KIF9: variants seen among roughly 807,000 people sequenced by gnomAD.
KIF9 encodes the protein kinesin-like protein KIF9.
A neutral mutation model predicts 94.8 loss-of-function variants in KIF9; 68 were observed. That is an observed-to-expected ratio of 0.72 (90% CI 0.59 to 0.88). The LOEUF (loss-of-function observed/expected upper bound fraction) is 0.88. Among genes scored for constraint, KIF9 ranks in the 40% least tolerant of loss-of-function variants. The pLI is 0.00. For missense variants in KIF9, 882 were observed against 982.5 expected, an observed-to-expected ratio of 0.90 and a Z score of 1.37; for synonymous variants, 343 against 362.1, an observed-to-expected ratio of 0.95 and a Z score of 0.60.
In KIF9 at chr3:47,265,433, C is replaced by T. The variant is rs78058195; in HGVS notation, c.916+297G>A. ...TGGGAGAGAGGCCCTCGCCCCAAGT[C>T]TTCAGGCTGTGAAGGATTCTGCCAG... is the stretch of plus-strand genomic sequence containing the variant. On this transcript the variant is annotated intron_variant, in intron 8 of 20. Coordinates refer to ENST00000684063, the MANE Select transcript of KIF9 (RefSeq NM_182902.4). Among the ~76,000 whole-genome samples the T allele has an allele frequency of 5.0e-3, 762 of 152,302 alleles. 8 individuals are homozygous for T. Among genetic ancestry groups the T allele is most frequent in the African/African-American group, 0.018 (730 of 41,556 alleles).
intron 5 of KIF9, among the ~76,000 whole-genome samples, chr3:47,269,983 T>C (rs982162061): frequency 2.0e-5 from 3 of 151,960 alleles, no homozygotes; most frequent in African/African-American, 7.3e-5. Context: ...TTGGCCAGGA[T>C]GGTCTCAATC....
intron 4 of KIF9, among the ~76,000 whole-genome samples, chr3:47,273,071 C>T (rs1442462282): frequency 4.6e-5 from 7 of 152,180 alleles, no homozygotes; most frequent in Admixed American, 2.6e-4. Flanking sequence ...TATTGAGACC[C>T]CCCGGGCTGA....
intron 4 of KIF9, among the ~76,000 whole-genome samples, chr3:47,272,087 T>C (rs1314649320): frequency 6.6e-6 from 1 of 152,090 alleles, no homozygotes; most frequent in African/African-American, 2.4e-5. Context: ...GCCACTGCAC[T>C]CCAGCCTGGG....
At chr3:47,249,995 G>A (rs1262974271) in intron 10 of KIF9, among the ~76,000 whole-genome samples, 1 of 151,922 alleles carries the variant, frequency 6.6e-6, no homozygotes, top group Non-Finnish European at 1.5e-5. Context: ...GTTGCAGTAA[G>A]CTGAGACCGC....
chr3:47,247,891 G>A, intron 11 of KIF9, 127 bp downstream of exon 11: 1 of 754,146 alleles, frequency 1.3e-6, no homozygotes, highest in South Asian at 1.6e-5. Context: ...TCCTGCCACT[G>A]AGCCTGCCCC....
At chr3:47,240,188 T>G in intron 17 of KIF9, 1 of 262,244 alleles carries the variant, frequency 3.8e-6, no homozygotes, top group South Asian at 4.4e-5. Context: ...TGGGTCAGAG[T>G]AACCAGGTGA....
chr3:47,273,297 C>A (rs1016085126), intron 4 of KIF9, among the ~76,000 whole-genome samples: 3 of 152,200 alleles, frequency 2.0e-5, no homozygotes, highest in African/African-American at 7.2e-5. Flanking sequence ...GCATGCCTGA[C>A]TCCCTCCTTC....
At chr3:47,261,184 C>T (rs1333447979) in intron 9 of KIF9, among the ~76,000 whole-genome samples, 1 of 152,204 alleles carries the variant, frequency 6.6e-6, no homozygotes, top group Non-Finnish European at 1.5e-5. Flanking sequence ...TGACTGGCCT[C>T]TGTGTCTTTG....
Position 47,277,398 on chromosome 3 carries a change from T to C in KIF9, c.-5-19A>G, listed in dbSNP as rs771549741. Reference sequence around the variant, plus strand: ...ATTCTAGCTAAAAAGAAGGGAACAATGAAATTTTGAGTAGTCATTATCAAA... The same window carrying C: ...ATTCTAGCTAAAAAGAAGGGAACAACGAAATTTTGAGTAGTCATTATCAAA... On this transcript the variant is annotated intron_variant, in intron 1 of 20. Coordinates refer to ENST00000684063, the MANE Select transcript of KIF9 (RefSeq NM_182902.4). 5 of 1,549,572 alleles carry C rather than the reference T, an allele frequency of 3.2e-6. No individual in the cohort carries two copies. In the Admixed American group the frequency reaches 6.7e-5, roughly 21 times the overall value.
Position 47,282,560 on chromosome 3 carries a change from G to A in KIF9, c.-71C>T, listed in dbSNP as rs1410634180. ...AACCGAAACCACCTGCACTCCCCAC[G>A]CGGGGCTGCCTGGCTGTGTACATAG... On this transcript the variant is annotated 5_prime_UTR_variant, in exon 1 of 21. Coordinates refer to ENST00000684063, the MANE Select transcript of KIF9 (RefSeq NM_182902.4). 2 of 1,018,592 alleles carry A rather than the reference G, an allele frequency of 2.0e-6. No homozygotes were observed. The highest frequency in any genetic ancestry group is 2.4e-6 in the Non-Finnish European group (2 of 848,992). The allele number at this position is 1,018,592 out of a possible 1,614,324, so 63.1% of individuals were successfully genotyped here. A position where few individuals can be genotyped will look rare whatever the true frequency, so the allele number is the denominator to read the frequency against.
chr3:47,236,098 A>G lies in KIF9; in HGVS notation c.2153T>C (p.Met718Thr). The change falls in exon 19 of 21, where the codon ATG (methionine) becomes ACG (threonine). Residue 718 changes from methionine to threonine, a missense_variant. Met to Thr is a moderately conservative substitution (Grantham distance 81). Coordinates refer to ENST00000684063, the MANE Select transcript of KIF9 (RefSeq NM_182902.4). ...ESFVIPEDMQ[M>T]ALKPGGSIRP... ...GATGCTGCCGCCTGGCTTCAGTGCC[A>G]TCTGCATGTCCTCAGGGATGACAAA... is the stretch of plus-strand genomic sequence containing the variant. 6.2e-7 allele frequency: 1 copy of G among 1,614,192 alleles called. No individual in the cohort carries two copies. The highest frequency in any genetic ancestry group is 8.5e-7 in the Non-Finnish European group (1 of 1,180,012).
At chr3:47,248,310 G>A (rs1029064743) in intron 10 of KIF9, 1 of 531,688 alleles carries the variant, frequency 1.9e-6, no homozygotes, top group African/African-American at 2.0e-5. Flanking sequence ...ACAGTCCCCT[G>A]GCCTTTGCTA....
At chr3:47,250,024 G>A (rs1315331668) in intron 10 of KIF9, among the ~76,000 whole-genome samples, 1 of 151,376 alleles carries the variant, frequency 6.6e-6, no homozygotes, top group Non-Finnish European at 1.5e-5. Context: ...ACTCCAGCCT[G>A]AGCAATAGAG....
chr3:47,236,382 G>A, intron 18 of KIF9, 61 bp downstream of exon 18: 4 of 1,562,768 alleles, frequency 2.6e-6, no homozygotes, highest in Non-Finnish European at 3.5e-6. Context: ...AACTCAGGCT[G>A]TGGCCTCTCC....
chr3:47,263,294 G>A (rs1177035115), intron 9 of KIF9, among the ~76,000 whole-genome samples: 4 of 152,114 alleles, frequency 2.6e-5, no homozygotes, highest in Non-Finnish European at 5.9e-5. Context: ...CTGTGTCACT[G>A]GGCTAGACCT....
At chr3:47,279,582 A>T (rs28444184) in intron 1 of KIF9, among the ~76,000 whole-genome samples, 7 of 151,764 alleles carry the variant, frequency 4.6e-5, no homozygotes, top group African/African-American at 9.7e-5. Flanking sequence ...TTGCTTTTTT[A>T]AAAAGTACAT....
intron 2 of KIF9, chr3:47,276,956 G>A (rs1302295306): frequency 2.5e-5 from 4 of 159,740 alleles, no homozygotes; most frequent in African/African-American, 7.7e-5. Context: ...TGCACCCCAT[G>A]GGCGATTATA....
Position 47,229,782 on chromosome 3 carries a change from G to A in KIF9, c.2323-1080C>T, listed in dbSNP as rs60444519. ...GGAGTCTCGCTCTGTCACCCAGGCC[G>A]GAGTACAGTGGCGCAATCTCGGCTC... On this transcript the variant is annotated intron_variant, in intron 20 of 20. Transcript: ENST00000684063. Among the ~76,000 whole-genome samples the A allele has an allele frequency of 1.9e-3, 290 of 151,560 alleles. 2 individuals carry two copies. The highest frequency in any genetic ancestry group is 6.6e-3 in the African/African-American group (272 of 41,294).
chr3:47,252,274 T>C (rs951967371), intron 10 of KIF9, among the ~76,000 whole-genome samples: 3 of 152,120 alleles, frequency 2.0e-5, no homozygotes, highest in Non-Finnish European at 2.9e-5. Context: ...ACAATGCAGA[T>C]CTTAGAACAC....
Sources: allele counts gnomAD v4.1 joint callset (sites outside exome capture counted in the v4.1 genomes callset), GRCh38; gene constraint gnomAD v4.1.1; transcripts MANE v1.5; gene names NCBI Gene and HGNC (gene_info 2026-07-23, HGNC 2026-07-21).